Variants in UHRF1 observed in about 807,000 individuals in gnomAD.
UHRF1 encodes the protein ubiquitin like with PHD and ring finger domains 1, also known as E3 ubiquitin-protein ligase UHRF1.
In UHRF1, 9 loss-of-function variants were observed where a neutral mutation model predicts 96.5. The ratio of observed to expected loss-of-function variants is 0.09; its 90% CI spans 0.06 to 0.16. The LOEUF is 0.16. Ranked by LOEUF, UHRF1 falls within the 10% of genes least tolerant of loss-of-function variation. UHRF1 has a pLI of 1.00. For synonymous variants in UHRF1, 455 were observed against 469.9 expected (o/e 0.97, Z 0.41); for missense variants, 626 against 1,131.1 (o/e 0.55, Z 6.40).
At chr19:4,946,653 C>T (rs2033574950) in intron 10 of UHRF1, among the ~76,000 whole-genome samples, 1 of 151,324 alleles carries the variant, frequency 6.6e-6, no homozygotes, top group South Asian at 2.1e-4. Flanking sequence ...CAGCTCACTA[C>T]AGCCACTACC....
chr19:4,929,113 C>A, intron 2 of UHRF1, 109 bp from the exon 3 acceptor site: 1 of 564,878 alleles, frequency 1.8e-6, no homozygotes, highest in Non-Finnish European at 2.3e-6. Context: ...ATGCAGATTG[C>A]CCCCCCCCCA....
At chr19:4,942,277 G>A (rs1354022212) in intron 7 of UHRF1, among the ~76,000 whole-genome samples, 1 of 151,480 alleles carries the variant, frequency 6.6e-6, no homozygotes, top group Non-Finnish European at 1.5e-5. Context: ...TGCAAGCTCC[G>A]CCTCTCGGGT....
At chr19:4,931,553 C>T (rs764597353) in intron 4 of UHRF1, among the ~76,000 whole-genome samples, 13 of 151,356 alleles carry the variant, frequency 8.6e-5, no homozygotes, top group Admixed American at 5.9e-4. Flanking sequence ...CTGCAACCTC[C>T]GCCTCCCAGG....
intron 12 of UHRF1, 40 bp from the exon 13 acceptor site, chr19:4,950,819 T>A (rs1449740393): frequency 2.5e-6 from 4 of 1,613,860 alleles, no homozygotes; most frequent in Non-Finnish European, 3.4e-6. Flanking sequence ...CCGCCGGGGC[T>A]GCCTCTGATG....
chr19:4,934,696 C>T (rs921335068), intron 5 of UHRF1, among the ~76,000 whole-genome samples: 2 of 152,118 alleles, frequency 1.3e-5, no homozygotes, highest in Admixed American at 6.6e-5. Flanking sequence ...AGCATCTTGG[C>T]AACGGCGTTC....
At chr19:4,953,311 G>A (rs1232825986) in intron 13 of UHRF1, among the ~76,000 whole-genome samples, 2 of 152,136 alleles carry the variant, frequency 1.3e-5, no homozygotes, top group Non-Finnish European at 2.9e-5. Flanking sequence ...GTACCAAACC[G>A]TTGATGTATA....
chr19:4,920,242 G>A (rs1372570370), intron 2 of UHRF1, among the ~76,000 whole-genome samples: 1 of 151,992 alleles, frequency 6.6e-6, no homozygotes, highest in Non-Finnish European at 1.5e-5. Context: ...GATCAGCCTG[G>A]CCAACATGGT....
chr19:4,957,312 T>G (rs1346535845), intron 16 of UHRF1, among the ~76,000 whole-genome samples: 10 of 139,282 alleles, frequency 7.2e-5, no homozygotes, highest in Admixed American at 5.7e-4. Flanking sequence ...TTTTTTTTTT[T>G]TTTTTTTTTT....
intron 16 of UHRF1, among the ~76,000 whole-genome samples, chr19:4,959,336 AAAC>A (rs1301662887): frequency 6.6e-6 from 1 of 152,162 alleles, no homozygotes; most frequent in Non-Finnish European, 1.5e-5. Context: ...TCTTAAAAAA[AAAC>A]AACAAAAACA....
rs572915971 is a variant in UHRF1, at chr19:4,910,645, T to C, written c.-10-231T>C. On this transcript the variant is annotated intron_variant, in intron 1 of 16. Coordinates refer to ENST00000650932, the MANE Select transcript of UHRF1 (RefSeq NM_001048201.3). ...CTTTTCTTTCAATTCCCTCTTTTCA[T>C]TCTCCTTCCTCCTCAATCTTCAACA... 9 of 403,886 alleles carry C rather than the reference T, an allele frequency of 2.2e-5. No individual in the cohort carries two copies. In the South Asian group the frequency reaches 9.8e-4, roughly 44 times the overall value. 25.0% of individuals were successfully genotyped at this position (403,886 alleles called of 1,614,324 possible).
intron 10 of UHRF1, among the ~76,000 whole-genome samples, chr19:4,946,473 T>C (rs562914252): frequency 2.6e-4 from 39 of 152,294 alleles, no homozygotes; most frequent in African/African-American, 9.1e-4. Context: ...ATAGATCTGC[T>C]ACGAACACGG....
chr19:4,925,851 G>A (rs948458257), intron 2 of UHRF1, among the ~76,000 whole-genome samples: 4 of 147,098 alleles, frequency 2.7e-5, no homozygotes, highest in Non-Finnish European at 6.0e-5. Context: ...TGGATGGATG[G>A]CCACATTGTG....
At position 4,949,473 on chromosome 19, in the gene UHRF1, GACACACACACACACAC is replaced by G. The variant is rs10580944; in HGVS notation, c.1518-1121_1518-1106del. On this transcript the variant is annotated intron_variant, in intron 11 of 16. Transcript: ENST00000650932. Reference sequence around the variant, plus strand: ...CATTATCTAAAACAATTGGCACATAGACACACACACACACACACACACACACACACACTCTCACAAA... The same window carrying G: ...CATTATCTAAAACAATTGGCACATAGACACACACACACACACTCTCACAAA... Among the ~76,000 whole-genome samples, 3 of 147,740 alleles carry G rather than the reference GACACACACACACACAC, an allele frequency of 2.0e-5. No homozygotes were observed. The Admixed American group carries it at 2.0e-4, about 10-fold the overall frequency.
intron 2 of UHRF1, among the ~76,000 whole-genome samples, chr19:4,911,721 A>G (rs2032284786): frequency 6.6e-6 from 1 of 151,878 alleles, no homozygotes; most frequent in African/African-American, 2.4e-5. Flanking sequence ...CGCTCCCTCC[A>G]TTGGCACCTG....
rs1421490316 is a variant in UHRF1 at position 4,930,801 on chromosome 19, C to T, written c.494C>T (p.Ser165Phe). 4 of 1,613,860 alleles carry T rather than the reference C, an allele frequency of 2.5e-6. No homozygotes were observed. The highest frequency in any genetic ancestry group is 2.2e-5 in the South Asian group (2 of 91,088). The part of the protein sequence containing the change: ...QVVRVTRKAP[S>F]RDEPCSSTSR... Reference sequence around the variant, plus strand: ...GTCAGGGTGACGCGGAAGGCCCCCTCCCGGGACGAGCCCTGCAGCTCCACG... The same window carrying T: ...GTCAGGGTGACGCGGAAGGCCCCCTTCCGGGACGAGCCCTGCAGCTCCACG... The change falls in exon 4 of 17, where the codon TCC becomes TTC. Residue 165 changes from serine to phenylalanine, a missense_variant. Ser to Phe is a radical substitution (Grantham distance 155). This residue lies in a region of UHRF1 where 198 missense variants were observed against 235.1 expected (regional missense o/e 0.84). Transcript: ENST00000650932. This position sits in a 1 kb window ranked among gnomAD's most constrained non-coding sequence, Gnocchi z 4.4.
intron 13 of UHRF1, among the ~76,000 whole-genome samples, chr19:4,953,562 C>G (rs936075173): frequency 6.6e-6 from 1 of 152,064 alleles, no homozygotes; most frequent in African/African-American, 2.4e-5. Context: ...CTCCTGGGCT[C>G]AAGTGATTCT....
intron 15 of UHRF1, among the ~76,000 whole-genome samples, chr19:4,956,354 C>T (rs1014206271): frequency 2.6e-5 from 4 of 152,194 alleles, no homozygotes; most frequent in Admixed American, 6.5e-5. Flanking sequence ...CGTGAGCTGC[C>T]GCTCCCAGCC....
At chr19:4,909,352 G>A (rs942343797), upstream of UHRF1, 1 of 594,648 alleles carries the variant, frequency 1.7e-6, no homozygotes, top group Non-Finnish European at 3.0e-6. Flanking sequence ...ACTAGGCGGA[G>A]GCGCCGTGGA....
At chr19:4,917,652 C>CAAAAAAA (rs754990585) in intron 2 of UHRF1, among the ~76,000 whole-genome samples, 2 of 34,350 alleles carry the variant, frequency 5.8e-5, no homozygotes, top group Non-Finnish European at 1.3e-4. Context: ...GACTCCGTCT[C>CAAAAAAA]AAAAAAAAAA....
Sources: gnomAD v4.1 joint callset for allele counts (sites outside exome capture counted in the v4.1 genomes callset) on GRCh38, gnomAD v4.1.1 for gene constraint, gnomAD v4.1.1 regional missense constraint, Gnocchi (gnomAD v3.1) non-coding constraint, MANE v1.5 for transcripts, NCBI Gene and HGNC (gene_info 2026-07-23, HGNC 2026-07-21) for gene names.